The following HEMK2 variants were observed in gnomAD, a reference collection of about 807,000 sequenced individuals.
The protein encoded by HEMK2 is HemK methyltransferase 2, ETF1 glutamine and histone H4 lysine.
chr21:28,813,015 T>C, the HEMK2 span, among the ~76,000 whole-genome samples: 1 of 152,104 alleles, frequency 6.6e-6, no homozygotes, highest in Non-Finnish European at 1.5e-5. Context: ...GTCTGTTTGA[T>C]TCTTCTCTCT....
At chr21:28,708,036 T>C in the HEMK2 span, among the ~76,000 whole-genome samples, 1 of 152,240 alleles carries the variant, frequency 6.6e-6, no homozygotes, top group East Asian at 1.9e-4. Context: ...TGCTGCTAAT[T>C]GGGAAGCATG....
chr21:28,750,215 T>C, the HEMK2 span, among the ~76,000 whole-genome samples: 7 of 152,346 alleles, frequency 4.6e-5, no homozygotes, highest in African/African-American at 1.7e-4. Flanking sequence ...TCCTATAGAA[T>C]GAGATTTGAG....
the HEMK2 span, among the ~76,000 whole-genome samples, chr21:28,745,877 G>T: frequency 2.0e-5 from 3 of 152,170 alleles, no homozygotes; most frequent in Admixed American, 6.5e-5. Context: ...TTAGCTCTCC[G>T]CTGCCACCTT....
At chr21:28,798,121 G>A in the HEMK2 span, among the ~76,000 whole-genome samples, 8 of 152,078 alleles carry the variant, frequency 5.3e-5, no homozygotes, top group South Asian at 2.1e-4. Flanking sequence ...TCTCTCCTTC[G>A]TTCATCAAGC....
chr21:28,604,817 T>C, the HEMK2 span, among the ~76,000 whole-genome samples: 1 of 152,200 alleles, frequency 6.6e-6, no homozygotes, highest in African/African-American at 2.4e-5. Flanking sequence ...CTTACTAAAA[T>C]GTCTTTGCCC....
the HEMK2 span, among the ~76,000 whole-genome samples, chr21:28,756,349 T>C: frequency 1.3e-5 from 2 of 152,084 alleles, no homozygotes; most frequent in Non-Finnish European, 2.9e-5. Context: ...TGTGCCCAGT[T>C]TTTCTGTCTT....
the HEMK2 span, among the ~76,000 whole-genome samples, chr21:28,825,772 A>C: frequency 2.8e-4 from 43 of 152,356 alleles, no homozygotes; most frequent in African/African-American, 9.4e-4. Context: ...GTGACCAACT[A>C]TTCTAGTTTT....
the HEMK2 span, among the ~76,000 whole-genome samples, chr21:28,676,487 T>C: frequency 2.6e-4 from 40 of 152,174 alleles, no homozygotes; most frequent in East Asian, 7.0e-3. Flanking sequence ...AAAGACACAA[T>C]CCCAAATATC....
chr21:28,587,984 C>T, the HEMK2 span, among the ~76,000 whole-genome samples: 3 of 152,206 alleles, frequency 2.0e-5, no homozygotes, highest in Admixed American at 1.3e-4. Context: ...ATGCCAACCC[C>T]AGCTGCAGTT....
At chr21:28,753,477 C>T in the HEMK2 span, among the ~76,000 whole-genome samples, 1 of 152,116 alleles carries the variant, frequency 6.6e-6, no homozygotes, top group African/African-American at 2.4e-5. Context: ...CATCTGGCAC[C>T]TCCCAGAGTT....
chr21:28,777,871 A>G, the HEMK2 span, among the ~76,000 whole-genome samples: 1 of 152,316 alleles, frequency 6.6e-6, no homozygotes, highest in Admixed American at 6.5e-5. Context: ...ATAAAGTTCT[A>G]AAGAAAATTT....
At chr21:28,854,523 TAG>T in the HEMK2 span, among the ~76,000 whole-genome samples, 24,221 of 151,692 alleles carry the variant, frequency 0.16, 2,345 homozygotes, top group East Asian at 0.49. Context: ...TACATAGAGA[TAG>T]AGATAGAGAT....
the HEMK2 span, among the ~76,000 whole-genome samples, chr21:28,848,708 T>C: frequency 1.3e-5 from 2 of 152,224 alleles, no homozygotes; most frequent in African/African-American, 2.4e-5. Flanking sequence ...TGTGTTGTTA[T>C]AACAGATTAT....
At chr21:28,763,571 G>A in the HEMK2 span, among the ~76,000 whole-genome samples, 7 of 152,150 alleles carry the variant, frequency 4.6e-5, no homozygotes, top group East Asian at 1.4e-3. Context: ...TGGAGGGGAC[G>A]GACATCCCAA....
At chr21:28,722,328 A>G in the HEMK2 span, among the ~76,000 whole-genome samples, 1 of 152,190 alleles carries the variant, frequency 6.6e-6, no homozygotes, top group Non-Finnish European at 1.5e-5. Context: ...TTGCAGATGA[A>G]CTAAGGTGCT....
At chr21:28,719,461 C>T in the HEMK2 span, among the ~76,000 whole-genome samples, 5 of 152,320 alleles carry the variant, frequency 3.3e-5, no homozygotes, top group Non-Finnish European at 5.9e-5. Flanking sequence ...TCACTCTTGC[C>T]TGCCACCATA....
At chr21:28,673,863 C>T in the HEMK2 span, among the ~76,000 whole-genome samples, 10 of 151,218 alleles carry the variant, frequency 6.6e-5, no homozygotes, top group African/African-American at 2.4e-4. Flanking sequence ...GGTTTGAGGA[C>T]AAAACATTCG....
At chr21:28,880,033 C>T in the HEMK2 span, 1 of 1,031,008 alleles carries the variant, frequency 9.7e-7, no homozygotes, top group Non-Finnish European at 1.4e-6. Context: ...TAAAAATAAT[C>T]TCCCATGTTT....
At chr21:28,731,375 T>A in the HEMK2 span, among the ~76,000 whole-genome samples, 1 of 152,114 alleles carries the variant, frequency 6.6e-6, no homozygotes, top group Non-Finnish European at 1.5e-5. Context: ...TAATTATACG[T>A]CCCATACTCA....
Sources: allele counts gnomAD v4.1 joint callset (sites outside exome capture counted in the v4.1 genomes callset), GRCh38; gene constraint gnomAD v4.1.1; transcripts MANE v1.5; gene names NCBI Gene and HGNC (gene_info 2026-07-23, HGNC 2026-07-21).